The following EXOC6B variants were observed in gnomAD, a reference collection of about 807,000 sequenced individuals.
EXOC6B encodes SEC15 homolog B.
In EXOC6B, 54 loss-of-function variants were observed where a neutral mutation model predicts 113.5. That is an observed-to-expected ratio of 0.48 (90% CI 0.38 to 0.60). The LOEUF is 0.60. Ranked by LOEUF, EXOC6B falls within the 20% of genes least tolerant of loss-of-function variation. The pLI is 0.00. For synonymous variants in EXOC6B, 357 were observed against 339.0 expected, an observed-to-expected ratio of 1.05 and a Z score of -0.58; for missense variants, 797 against 977.5, an observed-to-expected ratio of 0.82 and a Z score of 2.46.
At chr2:72,792,401 C>T (rs1458534846) in intron 1 of EXOC6B, among the ~76,000 whole-genome samples, 3 of 152,142 alleles carry the variant, frequency 2.0e-5, no homozygotes, top group African/African-American at 7.2e-5. Context: ...AAATAATATG[C>T]CCAGTTAGCA....
intron 6 of EXOC6B, among the ~76,000 whole-genome samples, chr2:72,672,592 C>T (rs922835219): frequency 7.3e-4 from 109 of 149,882 alleles, no homozygotes; most frequent in African/African-American, 2.6e-3. Context: ...GAAAAGAAAA[C>T]GTGGTATATA....
chr2:72,227,498 C>A (rs1449803803), intron 20 of EXOC6B, among the ~76,000 whole-genome samples: 4 of 151,984 alleles, frequency 2.6e-5, no homozygotes, highest in Non-Finnish European at 5.9e-5. Context: ...AACTGATATA[C>A]CATAATCACA....
chr2:72,499,230 AT>A (rs5832085), intron 12 of EXOC6B, among the ~76,000 whole-genome samples: 3,202 of 139,302 alleles, frequency 0.023, 56 homozygotes, highest in African/African-American at 0.058. Context: ...GCTTATGTAG[AT>A]TTTTTTTTTT....
intron 18 of EXOC6B, among the ~76,000 whole-genome samples, chr2:72,415,580 G>T (rs1204594276): frequency 1.3e-5 from 2 of 149,902 alleles, no homozygotes; most frequent in African/African-American, 2.5e-5. Flanking sequence ...GTCTCACAGT[G>T]TCCAAAGTGT....
At chr2:72,791,775 T>C (rs934923626) in intron 1 of EXOC6B, among the ~76,000 whole-genome samples, 1 of 152,176 alleles carries the variant, frequency 6.6e-6, no homozygotes, top group Non-Finnish European at 1.5e-5. Flanking sequence ...TTCAAGTAAA[T>C]AGTGAATCTG....
At chr2:72,598,256 G>A (rs1670199094) in intron 6 of EXOC6B, among the ~76,000 whole-genome samples, 1 of 151,816 alleles carries the variant, frequency 6.6e-6, no homozygotes, top group East Asian at 1.9e-4. Context: ...AATGGAACAA[G>A]AAATCAATAA....
intron 2 of EXOC6B, 91 bp from the exon 3 acceptor site, chr2:72,733,209 T>A (rs547383109): frequency 2.5e-5 from 24 of 946,980 alleles, no homozygotes; most frequent in Non-Finnish European, 3.6e-5. Flanking sequence ...AGATTAGGAA[T>A]AGGCAGTTAA....
At chr2:72,600,529 T>A (rs1054934512) in intron 6 of EXOC6B, among the ~76,000 whole-genome samples, 1 of 147,806 alleles carries the variant, frequency 6.8e-6, no homozygotes, top group Non-Finnish European at 1.5e-5. Flanking sequence ...AAGAACAGAA[T>A]ACTGAGTCTA....
chr2:72,794,836 A>T (rs1301393266), intron 1 of EXOC6B, among the ~76,000 whole-genome samples: 1 of 152,252 alleles, frequency 6.6e-6, no homozygotes, highest in Admixed American at 6.5e-5. Flanking sequence ...TCAGGAAAAC[A>T]TCACAGAAGA....
At chr2:72,631,461 TAGAGAGAGAGAGAGAG>T (rs372313608) in intron 6 of EXOC6B, among the ~76,000 whole-genome samples, 217 of 9,554 alleles carry the variant, frequency 0.023, 1 homozygote, top group African/African-American at 0.042. Flanking sequence ...TATATATATA[TAGAGAGAGAGAGAGAG>T]AGAGAGAGAG....
chr2:72,653,976 T>TA (rs1558885229), intron 6 of EXOC6B, among the ~76,000 whole-genome samples: 10 of 150,956 alleles, frequency 6.6e-5, no homozygotes, highest in African/African-American at 2.4e-4. Context: ...ATTTATTTTT[T>TA]TTTTTTTTTT....
chr2:72,647,105 A>G (rs569572541), intron 6 of EXOC6B, among the ~76,000 whole-genome samples: 2 of 152,336 alleles, frequency 1.3e-5, no homozygotes, highest in African/African-American at 4.8e-5. Flanking sequence ...TACAAAATCA[A>G]TGTGCAAAAA....
At chr2:72,551,824 A>G (rs995425935) in intron 8 of EXOC6B, among the ~76,000 whole-genome samples, 3 of 152,232 alleles carry the variant, frequency 2.0e-5, no homozygotes, top group Admixed American at 2.0e-4. Context: ...TATAAAAACT[A>G]GCATACACAC....
intron 18 of EXOC6B, among the ~76,000 whole-genome samples, chr2:72,456,615 G>C (rs1379970280): frequency 6.6e-6 from 1 of 152,018 alleles, no homozygotes; most frequent in Admixed American, 6.6e-5. Context: ...CCTATTTGCT[G>C]TATCCCTTAC....
chr2:72,659,397 T>C (rs1299171190), intron 6 of EXOC6B, among the ~76,000 whole-genome samples: 1 of 152,118 alleles, frequency 6.6e-6, no homozygotes, highest in Admixed American at 6.5e-5. Flanking sequence ...TTCCATCTAC[T>C]CATGATTCAC....
At chr2:72,260,850 TTTC>T (rs1683669862) in intron 20 of EXOC6B, among the ~76,000 whole-genome samples, 1 of 152,160 alleles carries the variant, frequency 6.6e-6, no homozygotes, top group Non-Finnish European at 1.5e-5. Context: ...ATCTACAGAA[TTTC>T]TTTTCTCTAA....
At position 72,232,979 on chromosome 2, in the gene EXOC6B, A is replaced by T. The variant is rs546763700; in HGVS notation, c.2197-48792T>A. ...CCTAGGTACTTGGGGGGCTGAGGCA[A>T]GAGAATCACTTGAATCAGGGAGGTG... On this transcript the variant is annotated intron_variant, in intron 20 of 21. Transcript: ENST00000272427. Among the ~76,000 whole-genome samples the T allele has an allele frequency of 1.2e-3, 184 of 151,878 alleles. 2 individuals carry two copies. Among genetic ancestry groups the T allele is most frequent in the Non-Finnish European group, 2.2e-3 (149 of 67,936 alleles).
chr2:72,617,444 G>C (rs1411821312), intron 6 of EXOC6B, among the ~76,000 whole-genome samples: 2 of 151,658 alleles, frequency 1.3e-5, no homozygotes, highest in Non-Finnish European at 2.9e-5. Context: ...GCAAACTTCT[G>C]CCTGGGCATC....
intron 6 of EXOC6B, among the ~76,000 whole-genome samples, chr2:72,659,569 G>A (rs1222497848): frequency 6.6e-6 from 1 of 152,056 alleles, no homozygotes; most frequent in Non-Finnish European, 1.5e-5. Context: ...GGGTTTTGTT[G>A]TTGTTGTTTG....
Sources: allele counts gnomAD v4.1 joint callset (sites outside exome capture counted in the v4.1 genomes callset), GRCh38; gene constraint gnomAD v4.1.1; transcripts MANE v1.5; gene names NCBI Gene and HGNC (gene_info 2026-07-23, HGNC 2026-07-21).